Variants in TMEM200A observed in about 807,000 individuals in gnomAD.
TMEM200A encodes two transmembrane C.
In TMEM200A, 12 loss-of-function variants were observed where a neutral mutation model predicts 24.3. The observed-to-expected ratio is 0.49, with a 90% CI of 0.32 to 0.80. The LOEUF (loss-of-function observed/expected upper bound fraction) is 0.80, where lower values mean the gene tolerates loss of function less well. Among genes scored for constraint, TMEM200A ranks in the 30% least tolerant of loss-of-function variants. The pLI is 0.04. For synonymous variants in TMEM200A, 224 were observed against 224.4 expected (o/e 1.00, Z 0.02); for missense variants, 545 against 614.4 (o/e 0.89, Z 1.19).
intron 2 of TMEM200A, among the ~76,000 whole-genome samples, chr6:130,405,580 A>G (rs548944681): frequency 6.6e-6 from 1 of 152,326 alleles, no homozygotes; most frequent in Non-Finnish European, 1.5e-5. Context: ...ATGAGGAATC[A>G]TGCATTTTCA....
At chr6:130,416,924 T>G (rs1369416435) in intron 2 of TMEM200A, among the ~76,000 whole-genome samples, 1 of 152,154 alleles carries the variant, frequency 6.6e-6, no homozygotes, top group East Asian at 1.9e-4. Context: ...ACTCCAGTAT[T>G]TGAGACTTGG....
rs556556350 is a variant in TMEM200A at position 130,375,371 on chromosome 6, C to A, written c.-81+8847C>A. Among the ~76,000 whole-genome samples the A allele has an allele frequency of 3.9e-5, 6 of 152,148 alleles. No individual in the cohort carries two copies. The East Asian group carries it at 1.2e-3, about 29-fold the overall frequency. Reference sequence around the variant, plus strand: ...GACACATAAAATCTCTTATAACATGCGTTAAAAAGTAAACTTGGCTCAGGA... The same window carrying A: ...GACACATAAAATCTCTTATAACATGAGTTAAAAAGTAAACTTGGCTCAGGA... On this transcript the variant is annotated intron_variant, in intron 1 of 2. Transcript: ENST00000296978.
At chr6:130,398,266 C>T (rs1174756346) in intron 2 of TMEM200A, among the ~76,000 whole-genome samples, 2 of 151,824 alleles carry the variant, frequency 1.3e-5, no homozygotes, top group African/African-American at 4.8e-5. Flanking sequence ...TAATGGCCTC[C>T]AGCTGCATCC....
chr6:130,365,712 C>G (rs540417671), upstream of TMEM200A: 92 of 985,480 alleles, frequency 9.3e-5, no homozygotes, highest in African/African-American at 1.5e-3. Flanking sequence ...GGGAAGAGCG[C>G]CTGCAAGCGG....
Position 130,441,667 on chromosome 6 carries a change from A to G in TMEM200A, c.1245A>G (p.Lys415=). 6.2e-7 allele frequency: 1 copy of G among 1,614,126 alleles called. No individual in the cohort carries two copies. The highest frequency in any genetic ancestry group is 8.5e-7 in the Non-Finnish European group (1 of 1,180,016). Residue 415 remains lysine, a synonymous_variant, in exon 3 of 3, where the codon AAA becomes AAG. Coordinates refer to ENST00000296978, the MANE Select transcript of TMEM200A (RefSeq NM_001258277.2). The part of the protein sequence containing the change: ...STLTVQAEQR[K]HPSWPRLDRN... Reference sequence around the variant, plus strand: ...TAACTGTTCAGGCAGAACAACGGAAACATCCAAGTTGGCCTAGGTTGGATC... The same window carrying G: ...TAACTGTTCAGGCAGAACAACGGAAGCATCCAAGTTGGCCTAGGTTGGATC...
At chr6:130,393,420 C>T (rs1018733042) in intron 2 of TMEM200A, among the ~76,000 whole-genome samples, 20 of 152,116 alleles carry the variant, frequency 1.3e-4, no homozygotes, top group African/African-American at 4.8e-4. Flanking sequence ...AATGTTGTCA[C>T]ATCATTGCCT....
Position 130,440,761 on chromosome 6 carries a change from T to G in TMEM200A, c.339T>G (p.Val113=). The part of the protein sequence containing the change: ...QVIRNEGGVV[V]RFFEQHLHSD... ...TTCGGAATGAAGGCGGTGTGGTGGT[T>G]CGCTTCTTTGAGCAGCATTTGCATT... The change falls in exon 3 of 3, where the codon GTT becomes GTG. Residue 113 remains valine, a synonymous_variant. Coordinates refer to ENST00000296978, the MANE Select transcript of TMEM200A (RefSeq NM_001258277.2). The G allele has an allele frequency of 6.2e-7, 1 of 1,614,012 alleles. No homozygotes were observed. The highest frequency in any genetic ancestry group is 8.5e-7 in the Non-Finnish European group (1 of 1,179,980).
chr6:130,411,297 G>T (rs1000693831), intron 2 of TMEM200A, among the ~76,000 whole-genome samples: 1 of 152,074 alleles, frequency 6.6e-6, no homozygotes, highest in Admixed American at 6.5e-5. Flanking sequence ...ATTTTTAAAA[G>T]AGTTTTTTTT....
intron 1 of TMEM200A, among the ~76,000 whole-genome samples, chr6:130,384,136 AAAG>A (rs1195579768): frequency 1.3e-5 from 2 of 152,166 alleles, no homozygotes; most frequent in Non-Finnish European, 2.9e-5. Context: ...AAAAGAGAGA[AAAG>A]AAGAAATCAC....
At chr6:130,423,148 G>A (rs1446657316) in intron 2 of TMEM200A, among the ~76,000 whole-genome samples, 4 of 152,158 alleles carry the variant, frequency 2.6e-5, no homozygotes, top group African/African-American at 4.8e-5. Context: ...GTTAGACCAC[G>A]GAGTGAGCTC....
Position 130,394,049 on chromosome 6 carries a change from C to A in TMEM200A, c.-17+8813C>A, listed in dbSNP as rs186168857. Among the ~76,000 whole-genome samples, 37 of 152,252 alleles carry A rather than the reference C, an allele frequency of 2.4e-4. 1 individual carries two copies. The East Asian group carries it at 6.6e-3, about 27-fold the overall frequency. On this transcript the variant is annotated intron_variant, in intron 2 of 2. Coordinates refer to ENST00000296978, the MANE Select transcript of TMEM200A (RefSeq NM_001258277.2). ...CACTGCTGTTGAGTTGAAATAGCAACAAATCACATCCCTAGTTGTATTTAG... is the reference window on the plus strand; with the variant it reads ...CACTGCTGTTGAGTTGAAATAGCAAAAAATCACATCCCTAGTTGTATTTAG...
chr6:130,393,347 G>C (rs1778880472), intron 2 of TMEM200A, among the ~76,000 whole-genome samples: 1 of 152,182 alleles, frequency 6.6e-6, no homozygotes, highest in Admixed American at 6.5e-5. Context: ...TCTGACAATA[G>C]AGTGCTATTT....
intron 2 of TMEM200A, among the ~76,000 whole-genome samples, chr6:130,394,176 G>T (rs1177636230): frequency 6.6e-6 from 1 of 152,158 alleles, no homozygotes; most frequent in South Asian, 2.1e-4. Context: ...GATCTTGATT[G>T]TTCTATATTG....
At chr6:130,382,977 A>G (rs1778635586) in intron 1 of TMEM200A, 1 of 978,898 alleles carries the variant, frequency 1.0e-6, no homozygotes, top group Non-Finnish European at 1.2e-6. Flanking sequence ...GTGACTCTAG[A>G]TCAGGAAGCA....
chr6:130,372,359 A>T (rs1410010920), intron 1 of TMEM200A, among the ~76,000 whole-genome samples: 2 of 152,218 alleles, frequency 1.3e-5, no homozygotes, highest in Admixed American at 6.5e-5. Context: ...TTAATAATCT[A>T]GTAGGTTTTT....
chr6:130,400,678 G>C (rs1379188789), intron 2 of TMEM200A, among the ~76,000 whole-genome samples: 1 of 151,960 alleles, frequency 6.6e-6, no homozygotes, highest in Non-Finnish European at 1.5e-5. Context: ...GTGACCTAAG[G>C]TTTTTGTACT....
intron 2 of TMEM200A, among the ~76,000 whole-genome samples, chr6:130,410,632 G>A (rs1779308887): frequency 6.6e-6 from 1 of 152,110 alleles, no homozygotes; most frequent in East Asian, 1.9e-4. Context: ...TGTTGAGTGT[G>A]GCAGATCCGT....
chr6:130,440,756 G>A lies in TMEM200A; in HGVS notation c.334G>A (p.Val112Met). The A allele has an allele frequency of 6.2e-7, 1 of 1,613,966 alleles. No individual in the cohort carries two copies. Among genetic ancestry groups the A allele is most frequent in the South Asian group, 1.1e-5 (1 of 91,086 alleles). The change falls in exon 3 of 3, where the codon GTG becomes ATG. Residue 112 changes from valine to methionine, a missense_variant. Transcript: ENST00000296978. ...GGTCATTCGGAATGAAGGCGGTGTG[G>A]TGGTTCGCTTCTTTGAGCAGCATTT... is the stretch of plus-strand genomic sequence containing the variant. ...TQVIRNEGGV[V>M]VRFFEQHLHS...
At chr6:130,382,784 T>G (rs765177894) in intron 1 of TMEM200A, among the ~76,000 whole-genome samples, 1 of 152,168 alleles carries the variant, frequency 6.6e-6, no homozygotes, top group African/African-American at 2.4e-5. Flanking sequence ...TGGAGACTAG[T>G]GGATGGATTC....
Sources: allele counts gnomAD v4.1 joint callset (sites outside exome capture counted in the v4.1 genomes callset), GRCh38; gene constraint gnomAD v4.1.1; transcripts MANE v1.5; gene names NCBI Gene and HGNC (gene_info 2026-07-23, HGNC 2026-07-21).